MYOM1: variants seen among roughly 807,000 people sequenced by gnomAD.
MYOM1 encodes the protein myomesin 1, also known as myomesin-1.
In MYOM1, 164 loss-of-function variants were observed where a neutral mutation model predicts 205.3. The ratio of observed to expected loss-of-function variants is 0.80; its 90% confidence interval spans 0.70 to 0.91. The LOEUF (loss-of-function observed/expected upper bound fraction) is 0.91, where lower values mean the gene tolerates loss of function less well. Ranked by LOEUF, MYOM1 falls within the 40% of genes least tolerant of loss-of-function variation. The probability of loss-of-function intolerance (pLI) is 0.00; values close to 1 mark genes in which losing one functional copy is unlikely to be tolerated. For missense variants in MYOM1, 2,011 were observed against 2,127.3 expected, an observed-to-expected ratio of 0.95 and a Z score of 1.08; for synonymous variants, 772 against 789.4, an observed-to-expected ratio of 0.98 and a Z score of 0.37.
intron 8 of MYOM1, 80 bp from the exon 9 acceptor site, chr18:3,169,061 A>T: frequency 8.3e-7 from 1 of 1,210,866 alleles, no homozygotes; most frequent in Non-Finnish European, 1.1e-6. Flanking sequence ...ACAGGCAGAA[A>T]GCAGTCACAG....
At chr18:3,235,712 TAAAC>T in the MYOM1 span, among the ~76,000 whole-genome samples, 2 of 152,024 alleles carry the variant, frequency 1.3e-5, no homozygotes, top group East Asian at 3.9e-4. Context: ...AGACAGATGG[TAAAC>T]AAAATGAGTA....
chr18:3,135,757 G>A lies in MYOM1; in HGVS notation c.2026-27C>T. The A allele has an allele frequency of 6.2e-7, 1 of 1,612,120 alleles. No individual in the cohort carries two copies. ...TGCAGCAAGAACAGGGAAACCCATT[G>A]AAAGCACAGCAAACACAAGCGAGAA... is the stretch of plus-strand genomic sequence containing the variant. On this transcript the variant is annotated intron_variant, in intron 14 of 37. Transcript: ENST00000356443. The surrounding 1 kb of genome is among the most constrained non-coding windows in gnomAD (Gnocchi z 4.1).
At chr18:3,177,886 C>T (rs1349429587) in intron 5 of MYOM1, among the ~76,000 whole-genome samples, 1 of 152,186 alleles carries the variant, frequency 6.6e-6, no homozygotes, top group Non-Finnish European at 1.5e-5. Flanking sequence ...AAGGAAACTT[C>T]TGACAAGTAA....
intron 9 of MYOM1, among the ~76,000 whole-genome samples, chr18:3,164,986 A>G (rs1269669160): frequency 6.6e-6 from 1 of 152,226 alleles, no homozygotes; most frequent in African/African-American, 2.4e-5. Flanking sequence ...AACTATTTAT[A>G]AATGCAAGCT....
chr18:3,187,925 G>C (rs1487165599), intron 4 of MYOM1, among the ~76,000 whole-genome samples: 1 of 140,044 alleles, frequency 7.1e-6, no homozygotes, highest in Non-Finnish European at 1.5e-5. Flanking sequence ...TGCAGCCTCT[G>C]CCTCCCAGGT....
chr18:3,103,738 GT>G (rs770475291), intron 22 of MYOM1, among the ~76,000 whole-genome samples: 4 of 152,152 alleles, frequency 2.6e-5, no homozygotes, highest in Non-Finnish European at 5.9e-5. Flanking sequence ...AATAAAACTT[GT>G]TAGTGGAAAA....
intron 36 of MYOM1, among the ~76,000 whole-genome samples, chr18:3,072,622 G>A (rs1315216575): frequency 6.6e-6 from 1 of 151,928 alleles, no homozygotes; most frequent in African/African-American, 2.4e-5. Context: ...CCAAATTGCT[G>A]GGATTACAGG....
chr18:3,081,598 T>C (rs28463942), intron 33 of MYOM1, among the ~76,000 whole-genome samples: 5,666 of 152,312 alleles, frequency 0.037, 137 homozygotes, highest in African/African-American at 0.069. Context: ...ATAAAGCTTT[T>C]TGATTGATGA....
chr18:3,131,535 G>A (rs1221942038), intron 16 of MYOM1, 39 bp from the exon 17 acceptor site: 1 of 1,573,850 alleles, frequency 6.4e-7, no homozygotes, highest in Admixed American at 1.8e-5. Context: ...TTCCTAGGAG[G>A]AAGATTAAGG....
intron 33 of MYOM1, among the ~76,000 whole-genome samples, chr18:3,081,538 A>G (rs1598651958): frequency 6.6e-6 from 1 of 152,236 alleles, no homozygotes; most frequent in African/African-American, 2.4e-5. Flanking sequence ...TCCTCAAAAC[A>G]TACTTTCAGT....
intron 13 of MYOM1, among the ~76,000 whole-genome samples, chr18:3,148,442 T>C (rs563003331): frequency 3.3e-5 from 5 of 152,164 alleles, no homozygotes; most frequent in Non-Finnish European, 7.4e-5. Context: ...CAATGTAAAC[T>C]ACAGTGGCAG....
intron 2 of MYOM1, among the ~76,000 whole-genome samples, chr18:3,196,712 T>C (rs2080993103): frequency 6.6e-6 from 1 of 152,172 alleles, no homozygotes; most frequent in South Asian, 2.1e-4. Flanking sequence ...AGTTAACAGA[T>C]TTTAAATACA....
At chr18:3,243,527 CT>C in the MYOM1 span, among the ~76,000 whole-genome samples, 253 of 152,300 alleles carry the variant, frequency 1.7e-3, no homozygotes, top group African/African-American at 5.0e-3. Flanking sequence ...GGGCTTCGGG[CT>C]GGGCCACTTA....
chr18:3,213,076 A>G (rs112771735), intron 2 of MYOM1, among the ~76,000 whole-genome samples: 108 of 152,366 alleles, frequency 7.1e-4, no homozygotes, highest in African/African-American at 2.5e-3. Context: ...AGAAGCTCCC[A>G]GGAGGCCACC....
At chr18:3,075,345 A>G (rs918663669) in intron 36 of MYOM1, 109 bp downstream of exon 36, 69 of 1,106,750 alleles carry the variant, frequency 6.2e-5, no homozygotes, top group Non-Finnish European at 5.2e-5. Context: ...TTAAAAAAGA[A>G]AAAAACCACT....
At chr18:3,164,206 T>C in intron 10 of MYOM1, 72 bp downstream of exon 10, 1 of 1,485,946 alleles carries the variant, frequency 6.7e-7, no homozygotes, top group Non-Finnish European at 9.2e-7. Flanking sequence ...TTGAACTGTT[T>C]TGTAATCAAA....
chr18:3,089,640 T>C, intron 27 of MYOM1, 44 bp from the exon 28 acceptor site: 1 of 1,518,818 alleles, frequency 6.6e-7, no homozygotes, highest in Non-Finnish European at 9.0e-7. Context: ...AGTTGGGTGG[T>C]ATAAATGCAC....
intron 16 of MYOM1, among the ~76,000 whole-genome samples, 184 bp from the exon 17 acceptor site, chr18:3,131,680 C>T (rs1473040056): frequency 1.3e-5 from 2 of 151,988 alleles, no homozygotes; most frequent in African/African-American, 4.8e-5. Context: ...GGCCTCGAGC[C>T]ATCCTCTCTC....
intron 15 of MYOM1, 55 bp from the exon 16 acceptor site, chr18:3,134,879 A>G: frequency 6.4e-7 from 1 of 1,559,976 alleles, no homozygotes; most frequent in South Asian, 1.1e-5. Flanking sequence ...ATTCATCCTT[A>G]TCATCTATGC....
Sources: allele counts gnomAD v4.1 joint callset (sites outside exome capture counted in the v4.1 genomes callset), GRCh38; gene constraint gnomAD v4.1.1; non-coding constraint Gnocchi (gnomAD v3.1); transcripts MANE v1.5; gene names NCBI Gene and HGNC (gene_info 2026-07-23, HGNC 2026-07-21).